Variants in SCUBE1 observed in about 807,000 individuals in gnomAD.
SCUBE1 encodes signal peptide, CUB and EGF-like domain-containing protein 1.
SCUBE1 carries 59 observed loss-of-function variants against 124.4 expected under a neutral mutation model. That is an observed-to-expected ratio of 0.47 (90% CI 0.38 to 0.59). The LOEUF (loss-of-function observed/expected upper bound fraction) is 0.59, where lower values mean the gene tolerates loss of function less well. Among genes scored for constraint, SCUBE1 ranks in the 20% least tolerant of loss-of-function variants. The pLI, the probability that SCUBE1 is intolerant of heterozygous loss-of-function variation, is 0.00. For missense variants in SCUBE1, 1,150 were observed against 1,371.2 expected (o/e 0.84, Z 2.55); for synonymous variants, 545 against 550.9 (o/e 0.99, Z 0.15).
At chr22:43,207,246 G>T (rs531888904) in intron 21 of SCUBE1, among the ~76,000 whole-genome samples, 4 of 152,204 alleles carry the variant, frequency 2.6e-5, no homozygotes, top group Non-Finnish European at 4.4e-5. Context: ...GATGAGGAGA[G>T]TGAGGCTGTG....
Position 43,241,399 on chromosome 22 carries a change from G to A in SCUBE1, c.728-2445C>T, listed in dbSNP as rs550561060. ...CTCTTCCCTGAAGAGGATCCGGTAC[G>A]GAGCATCAGAAACTCGGCCCAAGGC... On this transcript the variant is annotated intron_variant, in intron 6 of 21. Transcript: ENST00000360835. Among the ~76,000 whole-genome samples the A allele has an allele frequency of 1.6e-3, 240 of 152,174 alleles. 1 individual carries two copies. Among genetic ancestry groups the A allele is most frequent in the South Asian group, 1.7e-3 (8 of 4,820 alleles).
At chr22:43,224,660 C>T (rs1569500647) in intron 10 of SCUBE1, among the ~76,000 whole-genome samples, 1 of 152,200 alleles carries the variant, frequency 6.6e-6, no homozygotes, top group Admixed American at 6.5e-5. Context: ...CGCTCCTGTT[C>T]TGCCAACACG....
chr22:43,287,696 TG>T (rs1268080854), intron 4 of SCUBE1, among the ~76,000 whole-genome samples: 1 of 152,182 alleles, frequency 6.6e-6, no homozygotes, highest in African/African-American at 2.4e-5. Flanking sequence ...AAGAGTCAGG[TG>T]ATAGGGGGAA....
At chr22:43,313,736 G>A (rs1325629879) in intron 3 of SCUBE1, among the ~76,000 whole-genome samples, 10 of 152,196 alleles carry the variant, frequency 6.6e-5, no homozygotes, top group African/African-American at 2.2e-4. Context: ...CCAGAGGACA[G>A]ACTTGGCCAC....
intron 4 of SCUBE1, among the ~76,000 whole-genome samples, chr22:43,267,187 G>A (rs1924104719): frequency 6.6e-6 from 1 of 152,182 alleles, no homozygotes; most frequent in Non-Finnish European, 1.5e-5. Context: ...GTAACCCGTT[G>A]GGGAGACATG....
chr22:43,290,127 C>T (rs1017877946), intron 4 of SCUBE1, among the ~76,000 whole-genome samples: 1 of 152,238 alleles, frequency 6.6e-6, no homozygotes, highest in African/African-American at 2.4e-5. Flanking sequence ...CTTTGGTACA[C>T]AGCCCTGCCT....
At chr22:43,215,697 A>G (rs1921778619) in intron 15 of SCUBE1, among the ~76,000 whole-genome samples, 2 of 152,000 alleles carry the variant, frequency 1.3e-5, no homozygotes, top group African/African-American at 4.8e-5. Context: ...AGAGGAGGTG[A>G]GTTTGGGACA....
chr22:43,308,325 G>C (rs1569024332), intron 3 of SCUBE1, among the ~76,000 whole-genome samples: 1 of 152,172 alleles, frequency 6.6e-6, no homozygotes, highest in African/African-American at 2.4e-5. Context: ...GGCCAAGAAT[G>C]GGAAAAGGTG....
chr22:43,269,763 C>T (rs935261430), intron 4 of SCUBE1, among the ~76,000 whole-genome samples: 4 of 152,292 alleles, frequency 2.6e-5, no homozygotes, highest in Admixed American at 6.5e-5. Flanking sequence ...ACCCCGACTC[C>T]GCAAGCTGTC....
In SCUBE1 at chr22:43,212,500, C is replaced by T. The variant is rs550015784; in HGVS notation, c.2146G>A (p.Gly716Ser). The T allele has an allele frequency of 3.8e-5, 59 of 1,556,250 alleles. No individual in the cohort carries two copies. The South Asian group carries it at 4.2e-4, about 11-fold the overall frequency. Residue 716 changes from glycine to serine, a missense_variant, in exon 17 of 22, where the codon GGC becomes AGC. Transcript: ENST00000360835. ...GTYQPEPGRT[G>S]CFPCGGGLLT... ...AAACCCCCTCCACAGGGGAAGCAGCCGGTGCGCCCGGGCTCAGGCTGGTAC... is the reference window on the plus strand; with the variant it reads ...AAACCCCCTCCACAGGGGAAGCAGCTGGTGCGCCCGGGCTCAGGCTGGTAC...
intron 6 of SCUBE1, among the ~76,000 whole-genome samples, chr22:43,249,906 G>T (rs758732219): frequency 3.3e-5 from 5 of 152,230 alleles, no homozygotes; most frequent in Non-Finnish European, 5.9e-5. Flanking sequence ...ACCTGGCCCT[G>T]CCTGCTCACC....
rs990556325 is a variant in SCUBE1 at position 43,258,667 on chromosome 22, T to C, written c.611-332A>G. On this transcript the variant is annotated intron_variant, in intron 5 of 21. Transcript: ENST00000360835. The surrounding 1 kb of genome is among the most constrained non-coding windows in gnomAD (Gnocchi z 5.0). ...TTCATCCTTCTCAGACTGCAGGACA[T>C]TTTATAGCTGCCTGTCTTGATGGGG... Among the ~76,000 whole-genome samples the C allele has an allele frequency of 1.3e-4, 20 of 152,170 alleles. No individual in the cohort carries two copies. The highest frequency in any genetic ancestry group is 1.2e-3 in the Admixed American group (18 of 15,292).
intron 3 of SCUBE1, among the ~76,000 whole-genome samples, chr22:43,291,563 G>C (rs912394100): frequency 3.3e-5 from 5 of 151,956 alleles, no homozygotes; most frequent in Non-Finnish European, 4.4e-5. Context: ...TGGCACGGTG[G>C]GCCCCCATCG....
At chr22:43,328,651 A>C (rs17003666) in intron 2 of SCUBE1, among the ~76,000 whole-genome samples, 105 of 152,292 alleles carry the variant, frequency 6.9e-4, no homozygotes, top group African/African-American at 2.5e-3. Context: ...ATTTGAACTC[A>C]AGGCTCTCAG....
Position 43,343,291 on chromosome 22 carries a change from G to A in SCUBE1, c.-30C>T. ...AATGCGGGCCCCGCTGGGCGTGCGG[G>A]CGTGCGGGGCGCGGGGACCCGACCG... is the stretch of plus-strand genomic sequence containing the variant. On this transcript the variant is annotated 5_prime_UTR_variant, in exon 1 of 22. Transcript: ENST00000360835. The A allele has an allele frequency of 4.7e-6, 5 of 1,062,354 alleles. No individual in the cohort carries two copies. Among genetic ancestry groups the A allele is most frequent in the Non-Finnish European group, 4.6e-6 (4 of 875,372 alleles). 65.8% of individuals were successfully genotyped at this position (1,062,354 alleles called of 1,614,324 possible). A position where few individuals can be genotyped will look rare whatever the true frequency, so the allele number is the denominator to read the frequency against.
In SCUBE1 at chr22:43,239,217, C is replaced by T. The variant is rs115815981; in HGVS notation, c.728-263G>A. Among the ~76,000 whole-genome samples, 1,472 of 152,346 alleles carry T rather than the reference C, an allele frequency of 9.7e-3. 17 individuals carry two copies. Among genetic ancestry groups the T allele is most frequent in the African/African-American group, 0.033 (1,388 of 41,582 alleles). Reference sequence around the variant, plus strand: ...TGAGTACACCGCAAACTGCAGAGGGCTGTGCTTATACAGAGGCTGCTGCCA... The same window carrying T: ...TGAGTACACCGCAAACTGCAGAGGGTTGTGCTTATACAGAGGCTGCTGCCA... On this transcript the variant is annotated intron_variant, in intron 6 of 21. Transcript: ENST00000360835.
At chr22:43,209,696 C>T (rs1172483842) in intron 19 of SCUBE1, among the ~76,000 whole-genome samples, 1 of 152,184 alleles carries the variant, frequency 6.6e-6, no homozygotes, top group Non-Finnish European at 1.5e-5. Flanking sequence ...TCGCCCTGAG[C>T]GGTGCGGCAG....
intron 2 of SCUBE1, among the ~76,000 whole-genome samples, chr22:43,331,222 C>T (rs747933261): frequency 2.0e-5 from 3 of 151,964 alleles, no homozygotes; most frequent in East Asian, 3.9e-4. Context: ...AAGTAGACGC[C>T]GGGGATATAA....
At chr22:43,261,162 G>C (rs1569000070) in intron 5 of SCUBE1, among the ~76,000 whole-genome samples, 1 of 152,236 alleles carries the variant, frequency 6.6e-6, no homozygotes, top group Non-Finnish European at 1.5e-5. Flanking sequence ...ACGGGGGACT[G>C]GGAAAGCTGG....
Sources: allele counts gnomAD v4.1 joint callset (sites outside exome capture counted in the v4.1 genomes callset), GRCh38; gene constraint gnomAD v4.1.1; non-coding constraint Gnocchi (gnomAD v3.1); transcripts MANE v1.5; gene names NCBI Gene and HGNC (gene_info 2026-07-23, HGNC 2026-07-21).